Variants in FBXL7 observed in about 807,000 individuals in gnomAD.
FBXL7 encodes the protein F-box/LRR-repeat protein 7.
In FBXL7, 12 loss-of-function variants were observed where a neutral mutation model predicts 38.3. The observed-to-expected ratio is 0.31, with a 90% CI of 0.20 to 0.51. FBXL7 has a LOEUF of 0.51. Ranked by LOEUF, FBXL7 falls within the 20% of genes least tolerant of loss-of-function variation. The pLI is 0.98. For synonymous variants in FBXL7, 297 were observed against 300.9 expected (o/e 0.99, Z 0.13); for missense variants, 567 against 676.4 (o/e 0.84, Z 1.79).
At chr5:15,735,633 A>T (rs1294545074) in intron 2 of FBXL7, among the ~76,000 whole-genome samples, 1 of 152,234 alleles carries the variant, frequency 6.6e-6, no homozygotes, top group African/African-American at 2.4e-5. Flanking sequence ...CAGCTATTTA[A>T]AACCCACTTC....
intron 1 of FBXL7, among the ~76,000 whole-genome samples, chr5:15,584,410 C>A (rs1739242217): frequency 6.6e-6 from 1 of 152,188 alleles, no homozygotes; most frequent in African/African-American, 2.4e-5. Context: ...CAGACCATTT[C>A]TCTCAAGTTC....
intron 2 of FBXL7, among the ~76,000 whole-genome samples, chr5:15,761,610 C>G (rs1490457099): frequency 6.6e-6 from 1 of 152,214 alleles, no homozygotes; most frequent in African/African-American, 2.4e-5. Flanking sequence ...ATAGCACGAT[C>G]TCTGCTCACT....
intron 2 of FBXL7, among the ~76,000 whole-genome samples, chr5:15,871,055 G>A (rs1244305717): frequency 6.6e-6 from 1 of 152,178 alleles, no homozygotes; most frequent in East Asian, 1.9e-4. Context: ...ACCTCATACA[G>A]GAGAGCTCTT....
chr5:15,690,756 A>G (rs1743156301), intron 2 of FBXL7, among the ~76,000 whole-genome samples: 1 of 152,198 alleles, frequency 6.6e-6, no homozygotes, highest in Non-Finnish European at 1.5e-5. Flanking sequence ...TCTTGGAAGC[A>G]GAGAGTAGAA....
intron 2 of FBXL7, among the ~76,000 whole-genome samples, chr5:15,678,871 A>G (rs1370638165): frequency 6.6e-6 from 1 of 152,190 alleles, no homozygotes; most frequent in Non-Finnish European, 1.5e-5. Flanking sequence ...TAAATTATCC[A>G]GTCTCAGATG....
intron 2 of FBXL7, among the ~76,000 whole-genome samples, chr5:15,744,490 GTC>G (rs1269141634): frequency 6.6e-6 from 1 of 152,138 alleles, no homozygotes; most frequent in Non-Finnish European, 1.5e-5. Context: ...CATTCAACAA[GTC>G]TCTAGGAAGT....
intron 1 of FBXL7, among the ~76,000 whole-genome samples, chr5:15,572,068 G>A (rs1738806543): frequency 6.6e-6 from 1 of 152,036 alleles, no homozygotes; most frequent in Admixed American, 6.5e-5. Flanking sequence ...GACATCCACT[G>A]GGCTTAACCA....
At chr5:15,842,135 G>A (rs996937189) in intron 2 of FBXL7, among the ~76,000 whole-genome samples, 17 of 152,216 alleles carry the variant, frequency 1.1e-4, no homozygotes, top group Non-Finnish European at 2.1e-4. Context: ...AACGCCATCA[G>A]TGAAAGCAGC....
Position 15,501,866 on chromosome 5 carries a change from A to ATGTG in FBXL7, c.37+1177_37+1180dup, listed in dbSNP as rs70938014. 795 of 224,908 alleles carry ATGTG rather than the reference A, an allele frequency of 3.5e-3. 7 individuals are homozygous for ATGTG. Among genetic ancestry groups the ATGTG allele is most frequent in the African/African-American group, 0.016 (665 of 40,360 alleles). 13.9% of individuals were successfully genotyped at this position (224,908 alleles called of 1,614,324 possible). A position where few individuals can be genotyped will look rare whatever the true frequency, so the allele number is the denominator to read the frequency against. ...TTTTGACTTCCATATGTGCATGTGT[A>ATGTG]TGTGTGTGTGTGTGTGTGTGTGTGT... On this transcript the variant is annotated intron_variant, in intron 1 of 3. Coordinates refer to ENST00000504595, the MANE Select transcript of FBXL7 (RefSeq NM_012304.5).
At chr5:15,574,926 T>C (rs746112463) in intron 1 of FBXL7, among the ~76,000 whole-genome samples, 17 of 110,318 alleles carry the variant, frequency 1.5e-4, no homozygotes, top group Non-Finnish European at 2.9e-4. Flanking sequence ...TGACTTGAAA[T>C]CTTTGTAGTC....
chr5:15,813,409 T>G (rs1737922711), intron 2 of FBXL7, among the ~76,000 whole-genome samples: 1 of 152,138 alleles, frequency 6.6e-6, no homozygotes, highest in African/African-American at 2.4e-5. Context: ...TCTTTACACC[T>G]TATACAAAAA....
intron 2 of FBXL7, among the ~76,000 whole-genome samples, chr5:15,689,516 C>T (rs1342796840): frequency 6.6e-6 from 1 of 152,150 alleles, no homozygotes; most frequent in Non-Finnish European, 1.5e-5. Flanking sequence ...TGTTCCTCCT[C>T]TTATCTGCTG....
chr5:15,773,352 A>T (rs1326175798), intron 2 of FBXL7, among the ~76,000 whole-genome samples: 3 of 152,098 alleles, frequency 2.0e-5, no homozygotes, highest in Non-Finnish European at 4.4e-5. Context: ...TATTTTAAAA[A>T]CATTTTCCTG....
intron 2 of FBXL7, among the ~76,000 whole-genome samples, chr5:15,892,206 G>A (rs368632502): frequency 2.6e-5 from 4 of 152,344 alleles, no homozygotes; most frequent in East Asian, 1.9e-4. Flanking sequence ...CCAGAGGGTA[G>A]GTCCTGAGGG....
chr5:15,787,627 T>C (rs1295659055), intron 2 of FBXL7, among the ~76,000 whole-genome samples: 1 of 152,196 alleles, frequency 6.6e-6, no homozygotes, highest in Non-Finnish European at 1.5e-5. Context: ...GTTGTTAGCT[T>C]TAAATTATGG....
At chr5:15,692,476 C>T (rs1192652942) in intron 2 of FBXL7, among the ~76,000 whole-genome samples, 1 of 152,186 alleles carries the variant, frequency 6.6e-6, no homozygotes, top group Non-Finnish European at 1.5e-5. Context: ...CATTTAATAT[C>T]TTTGCTTGCC....
intron 2 of FBXL7, among the ~76,000 whole-genome samples, chr5:15,691,623 T>C (rs772955715): frequency 2.6e-5 from 4 of 152,196 alleles, no homozygotes; most frequent in Non-Finnish European, 4.4e-5. Flanking sequence ...TTTTGCCCAC[T>C]TTTCTTCTTT....
At chr5:15,712,556 G>A (rs1743909149) in intron 2 of FBXL7, among the ~76,000 whole-genome samples, 2 of 152,088 alleles carry the variant, frequency 1.3e-5, no homozygotes, top group Non-Finnish European at 2.9e-5. Flanking sequence ...AGGCAGGAAA[G>A]GCAATCTGTG....
At chr5:15,803,227 C>T (rs1737617906) in intron 2 of FBXL7, among the ~76,000 whole-genome samples, 1 of 152,144 alleles carries the variant, frequency 6.6e-6, no homozygotes, top group Admixed American at 6.6e-5. Context: ...CCTTGACCCC[C>T]TAATCTTATA....
Sources: gnomAD v4.1 joint callset for allele counts (sites outside exome capture counted in the v4.1 genomes callset) on GRCh38, gnomAD v4.1.1 for gene constraint, MANE v1.5 for transcripts, NCBI Gene and HGNC (gene_info 2026-07-23, HGNC 2026-07-21) for gene names.